PTPRD: variants seen among roughly 807,000 people sequenced by gnomAD.
The protein encoded by PTPRD is receptor-type tyrosine-protein phosphatase delta.
A neutral mutation model predicts 214.5 loss-of-function variants in PTPRD; 34 were observed. That is an observed-to-expected ratio of 0.16 (90% confidence interval 0.12 to 0.21). The LOEUF (loss-of-function observed/expected upper bound fraction) is 0.21, where lower values mean the gene tolerates loss of function less well. PTPRD is among the 10% of genes least tolerant of loss of function. The probability of loss-of-function intolerance (pLI) is 1.00; values close to 1 mark genes in which losing one functional copy is unlikely to be tolerated. For synonymous variants in PTPRD, 1,128 were observed against 845.7 expected (o/e 1.33, Z -5.79); for missense variants, 2,545 against 2,398.7 (o/e 1.06, Z -1.27).
intron 12 of PTPRD, among the ~76,000 whole-genome samples, chr9:8,645,907 G>C (rs1260022502): frequency 6.6e-6 from 1 of 151,852 alleles, no homozygotes; most frequent in Non-Finnish European, 1.5e-5. Flanking sequence ...AACAGCCTCA[G>C]CCTCCTCTTC....
intron 5 of PTPRD, among the ~76,000 whole-genome samples, chr9:9,918,272 A>T (rs539891167): frequency 4.6e-5 from 7 of 151,638 alleles, no homozygotes; most frequent in South Asian, 2.1e-4. Flanking sequence ...TAGCTGAAAA[A>T]GTAATCAAGA....
At chr9:9,845,511 T>C (rs1021496159) in intron 5 of PTPRD, among the ~76,000 whole-genome samples, 5 of 151,760 alleles carry the variant, frequency 3.3e-5, no homozygotes, top group Admixed American at 2.0e-4. Flanking sequence ...GTGGGGGGCA[T>C]CAATTCATGT....
intron 11 of PTPRD, among the ~76,000 whole-genome samples, chr9:8,825,949 A>C (rs1009780051): frequency 5.3e-5 from 8 of 152,164 alleles, no homozygotes; most frequent in African/African-American, 1.7e-4. Flanking sequence ...TTTATCAACA[A>C]GGATTTTATG....
intron 7 of PTPRD, among the ~76,000 whole-genome samples, chr9:9,596,321 C>A (rs2093349412): frequency 6.6e-6 from 1 of 151,838 alleles, no homozygotes; most frequent in Non-Finnish European, 1.5e-5. Flanking sequence ...GTGTATTAAA[C>A]ATGTTACACA....
intron 11 of PTPRD, among the ~76,000 whole-genome samples, chr9:8,979,931 A>G (rs2099299895): frequency 6.6e-6 from 1 of 152,128 alleles, no homozygotes; most frequent in Admixed American, 6.6e-5. Context: ...CTGCAGTAAT[A>G]TTCATAGTAG....
chr9:10,278,767 TTTTTG>T (rs561969404), intron 3 of PTPRD, among the ~76,000 whole-genome samples: 9 of 151,526 alleles, frequency 5.9e-5, no homozygotes, highest in African/African-American at 7.3e-5. Flanking sequence ...AAAGGTTTTT[TTTTTG>T]TTTTGTTTTG....
At chr9:9,816,283 C>A (rs1043382882) in intron 5 of PTPRD, among the ~76,000 whole-genome samples, 3 of 152,006 alleles carry the variant, frequency 2.0e-5, no homozygotes, top group African/African-American at 7.2e-5. Context: ...TCAATATATT[C>A]AAACCTAGAA....
rs185328207 is a variant in PTPRD at position 9,467,479 on chromosome 9, C to T, written c.-236-69997G>A. On this transcript the variant is annotated intron_variant, in intron 8 of 45. Transcript: ENST00000381196. ...GCAGGCACCTGTAGTCCCAGCTACT[C>T]GAGAGGCTGAGGCAGTAGAATTGCT... Among the ~76,000 whole-genome samples, 678 of 150,362 alleles carry T rather than the reference C, an allele frequency of 4.5e-3. 5 individuals carry two copies. Among genetic ancestry groups the T allele is most frequent in the African/African-American group, 0.015 (628 of 40,922 alleles).
chr9:9,068,652 C>G (rs967637417), intron 10 of PTPRD, among the ~76,000 whole-genome samples: 1 of 152,100 alleles, frequency 6.6e-6, no homozygotes, highest in East Asian at 1.9e-4. Context: ...CTCACTTGTC[C>G]CCAGGCTGGA....
At chr9:10,457,812 C>A (rs76315029) in intron 2 of PTPRD, among the ~76,000 whole-genome samples, 1,828 of 152,038 alleles carry the variant, frequency 0.012, 34 homozygotes, top group African/African-American at 0.04. Flanking sequence ...AATTTGCATA[C>A]CTTTTTTGAA....
At chr9:9,625,401 T>C (rs1279318971) in intron 7 of PTPRD, among the ~76,000 whole-genome samples, 2 of 152,034 alleles carry the variant, frequency 1.3e-5, no homozygotes, top group Non-Finnish European at 2.9e-5. Flanking sequence ...TGGCTAGGAG[T>C]ACGTCTTCGC....
chr9:9,479,228 C>CCCCCCCCCA (rs1436842502), intron 8 of PTPRD, among the ~76,000 whole-genome samples: 1 of 110,460 alleles, frequency 9.1e-6, no homozygotes, highest in African/African-American at 3.6e-5. Flanking sequence ...CCCCCCCCCC[C>CCCCCCCCCA]CACACACACA....
At chr9:10,597,090 A>G (rs1404222570) in intron 2 of PTPRD, among the ~76,000 whole-genome samples, 1 of 151,076 alleles carries the variant, frequency 6.6e-6, no homozygotes, top group Non-Finnish European at 1.5e-5. Context: ...TATATTTCAC[A>G]TATATATTTC....
At chr9:8,925,721 G>C (rs922430423) in intron 11 of PTPRD, among the ~76,000 whole-genome samples, 4 of 151,414 alleles carry the variant, frequency 2.6e-5, no homozygotes, top group African/African-American at 7.3e-5. Flanking sequence ...TCTAGGCACC[G>C]AGTACTGTTC....
At chr9:8,731,109 C>G (rs753749181) in intron 12 of PTPRD, among the ~76,000 whole-genome samples, 1 of 152,190 alleles carries the variant, frequency 6.6e-6, no homozygotes, top group Non-Finnish European at 1.5e-5. Context: ...AAGAGCCCTC[C>G]TCCTTAATGC....
At chr9:10,272,705 G>C (rs748874218) in intron 3 of PTPRD, among the ~76,000 whole-genome samples, 5 of 152,266 alleles carry the variant, frequency 3.3e-5, no homozygotes, top group East Asian at 1.9e-4. Context: ...ATAAGTAATA[G>C]TTTATCCACT....
intron 5 of PTPRD, among the ~76,000 whole-genome samples, chr9:9,849,815 C>T (rs562801907): frequency 6.6e-6 from 1 of 152,196 alleles, no homozygotes; most frequent in South Asian, 2.1e-4. Context: ...TCAAAATCTT[C>T]AAATGCTTTT....
At chr9:8,675,578 A>ATCCTATTC (rs990871672) in intron 12 of PTPRD, among the ~76,000 whole-genome samples, 3 of 141,802 alleles carry the variant, frequency 2.1e-5, no homozygotes, top group Admixed American at 1.4e-4. Flanking sequence ...ACGCCTGGCA[A>ATCCTATTC]TCCTATTCCC....
chr9:10,019,340 T>G (rs2096795063), intron 4 of PTPRD, among the ~76,000 whole-genome samples: 1 of 152,152 alleles, frequency 6.6e-6, no homozygotes, highest in Non-Finnish European at 1.5e-5. Flanking sequence ...GACTGTAAAC[T>G]AGTTCAACCA....
Sources: gnomAD v4.1 joint callset for allele counts (sites outside exome capture counted in the v4.1 genomes callset) on GRCh38, gnomAD v4.1.1 for gene constraint, MANE v1.5 for transcripts, NCBI Gene and HGNC (gene_info 2026-07-23, HGNC 2026-07-21) for gene names.